Variants in ZNF521 observed in about 807,000 individuals in gnomAD.
ZNF521 encodes LYST-interacting protein 3.
Under a neutral mutation model 105.5 loss-of-function variants are expected in ZNF521, and 14 were observed. The ratio of observed to expected loss-of-function variants is 0.13; its 90% CI spans 0.09 to 0.21. The LOEUF is 0.21. Ranked by LOEUF, ZNF521 falls within the 10% of genes least tolerant of loss-of-function variation. The probability of loss-of-function intolerance (pLI) is 1.00; values close to 1 mark genes in which losing one functional copy is unlikely to be tolerated. For synonymous variants in ZNF521, 635 were observed against 606.0 expected (o/e 1.05, Z -0.70); for missense variants, 1,233 against 1,629.7 (o/e 0.76, Z 4.19).
At chr18:25,261,750 G>T (rs938726682) in intron 3 of ZNF521, among the ~76,000 whole-genome samples, 1 of 151,890 alleles carries the variant, frequency 6.6e-6, no homozygotes, top group Non-Finnish European at 1.5e-5. Context: ...TGACCAGATG[G>T]AACTCTATTA....
intron 5 of ZNF521, among the ~76,000 whole-genome samples, chr18:25,126,582 C>T (rs1485091400): frequency 3.3e-5 from 5 of 152,092 alleles, no homozygotes; most frequent in East Asian, 3.9e-4. Context: ...TCATGAATAA[C>T]GTTTACCTCC....
intron 5 of ZNF521, among the ~76,000 whole-genome samples, chr18:25,172,338 C>A (rs1259706154): frequency 6.6e-6 from 1 of 152,140 alleles, no homozygotes; most frequent in Non-Finnish European, 1.5e-5. Flanking sequence ...CCGATTTTGG[C>A]AAGCTATTCT....
intron 6 of ZNF521, among the ~76,000 whole-genome samples, chr18:25,090,817 C>A (rs982872056): frequency 1.3e-5 from 2 of 152,090 alleles, no homozygotes; most frequent in Non-Finnish European, 2.9e-5. Flanking sequence ...TTATAAAGAA[C>A]CTAGACTCTT....
chr18:25,146,025 G>T (rs62083877), intron 5 of ZNF521, among the ~76,000 whole-genome samples: 37,890 of 151,914 alleles, frequency 0.25, 5,671 homozygotes, highest in Non-Finnish European at 0.33. Context: ...GGTGCTTAAT[G>T]TTTTTAATAG....
intron 3 of ZNF521, among the ~76,000 whole-genome samples, chr18:25,254,717 G>C (rs993932217): frequency 3.9e-5 from 6 of 152,100 alleles, no homozygotes; most frequent in Non-Finnish European, 8.8e-5. Context: ...TGTAAAAATG[G>C]ACTTGTCTTC....
At chr18:25,097,355 T>G (rs2033873994) in intron 5 of ZNF521, among the ~76,000 whole-genome samples, 1 of 152,136 alleles carries the variant, frequency 6.6e-6, no homozygotes, top group African/African-American at 2.4e-5. Context: ...GGCTTCAAAG[T>G]CTGCCGGTAG....
chr18:25,266,906 T>A lies in ZNF521; in HGVS notation c.221-39209A>T, dbSNP rs1198638945. ...TCTTTTTTTCCATATCCCAGTGACA[T>A]CTGGAACACCAGCTAGACAGTACCG... On this transcript the variant is annotated intron_variant, in intron 3 of 7. Coordinates refer to ENST00000361524, the MANE Select transcript of ZNF521 (RefSeq NM_015461.3). Among the ~76,000 whole-genome samples, 3 of 152,204 alleles carry A rather than the reference T, an allele frequency of 2.0e-5. No individual in the cohort carries two copies. In the East Asian group the frequency reaches 5.8e-4, roughly 30 times the overall value.
rs547103878 is a variant in ZNF521, at chr18:25,293,944, C to CT, written c.220+28063dup. Among the ~76,000 whole-genome samples the CT allele has an allele frequency of 4.0e-3, 604 of 152,242 alleles. 5 individuals carry two copies. The highest frequency in any genetic ancestry group is 0.014 in the African/African-American group (572 of 41,546). On this transcript the variant is annotated intron_variant, in intron 3 of 7. Transcript: ENST00000361524. ...TTTCTTACTTGCTTGCAAATAATTTCTTTAATCCAGAGCATGAGATGTGAA... is the reference window on the plus strand; with the variant it reads ...TTTCTTACTTGCTTGCAAATAATTTCTTTTAATCCAGAGCATGAGATGTGAA...
intron 4 of ZNF521, among the ~76,000 whole-genome samples, chr18:25,205,804 T>A (rs1041617431): frequency 6.6e-6 from 1 of 152,174 alleles, no homozygotes; most frequent in Non-Finnish European, 1.5e-5. Context: ...ATTTTATGAG[T>A]ACTTGATATC....
chr18:25,349,302 A>G (rs1598498932), intron 2 of ZNF521, among the ~76,000 whole-genome samples: 1 of 152,050 alleles, frequency 6.6e-6, no homozygotes, highest in African/African-American at 2.4e-5. Flanking sequence ...ACACCCGCGC[A>G]CGCCCGTGGC....
chr18:25,210,298 C>T (rs926915748), intron 4 of ZNF521, among the ~76,000 whole-genome samples: 1 of 152,138 alleles, frequency 6.6e-6, no homozygotes, highest in Non-Finnish European at 1.5e-5. Flanking sequence ...ACATAGATGA[C>T]CCTGTCAACT....
chr18:25,338,469 G>C (rs1305427524), intron 2 of ZNF521, among the ~76,000 whole-genome samples: 2 of 151,908 alleles, frequency 1.3e-5, no homozygotes, highest in Admixed American at 1.3e-4. Flanking sequence ...TTGGAGTGCA[G>C]TGGCGTGATC....
At chr18:25,256,337 C>A (rs1908503576) in intron 3 of ZNF521, among the ~76,000 whole-genome samples, 1 of 151,886 alleles carries the variant, frequency 6.6e-6, no homozygotes, top group African/African-American at 2.4e-5. Flanking sequence ...ATTGGCTGCA[C>A]AAATGATGTG....
chr18:25,283,929 C>CG (rs1039729733), intron 3 of ZNF521, among the ~76,000 whole-genome samples: 28 of 142,302 alleles, frequency 2.0e-4, no homozygotes, highest in Non-Finnish European at 3.4e-4. Flanking sequence ...CTTTCCCCCC[C>CG]CCCCAAAAAA....
At chr18:25,167,274 C>T (rs1297332141) in intron 5 of ZNF521, among the ~76,000 whole-genome samples, 2 of 152,182 alleles carry the variant, frequency 1.3e-5, no homozygotes, top group Non-Finnish European at 2.9e-5. Flanking sequence ...TGTCTCTTTA[C>T]CAGCCCAAAG....
intron 3 of ZNF521, among the ~76,000 whole-genome samples, chr18:25,279,588 A>C (rs893308900): frequency 6.6e-6 from 1 of 152,214 alleles, no homozygotes; most frequent in Non-Finnish European, 1.5e-5. Context: ...TCAAACAAAA[A>C]CAAGGTTATA....
intron 4 of ZNF521, among the ~76,000 whole-genome samples, chr18:25,206,417 C>T (rs1432874660): frequency 1.3e-5 from 2 of 152,152 alleles, no homozygotes; most frequent in African/African-American, 4.8e-5. Flanking sequence ...CTTCCTTCTA[C>T]TTCTCTTTAG....
intron 2 of ZNF521, among the ~76,000 whole-genome samples, chr18:25,341,877 G>A (rs186367395): frequency 6.6e-6 from 1 of 152,172 alleles, no homozygotes; most frequent in Non-Finnish European, 1.5e-5. Context: ...TATCTGTTTG[G>A]TTCACAGCTG....
chr18:25,209,407 G>A (rs1036223691), intron 4 of ZNF521, among the ~76,000 whole-genome samples: 8 of 152,024 alleles, frequency 5.3e-5, no homozygotes, highest in East Asian at 1.9e-4. Context: ...CATGGCGCCC[G>A]GCCAAGTTTC....
Sources: allele counts gnomAD v4.1 joint callset (sites outside exome capture counted in the v4.1 genomes callset), GRCh38; gene constraint gnomAD v4.1.1; transcripts MANE v1.5; gene names NCBI Gene and HGNC (gene_info 2026-07-23, HGNC 2026-07-21).